The following KCTD1 variants were observed in gnomAD, a reference collection of about 807,000 sequenced individuals.
The protein encoded by KCTD1 is potassium channel tetramerization domain containing 1, also known as BTB/POZ domain-containing protein KCTD1.
KCTD1 carries 24 observed loss-of-function variants against 66.0 expected under a neutral mutation model. The observed-to-expected ratio is 0.36, with a 90% CI of 0.26 to 0.51. The LOEUF (loss-of-function observed/expected upper bound fraction) is 0.51, where lower values mean the gene tolerates loss of function less well. Ranked by LOEUF, KCTD1 falls within the 20% of genes least tolerant of loss-of-function variation. KCTD1 has a pLI of 0.95. For synonymous variants in KCTD1, 511 were observed against 517.2 expected (o/e 0.99, Z 0.16); for missense variants, 943 against 1,205.2 (o/e 0.78, Z 3.22).
At chr18:26,490,773 T>TA (rs1982155013) in intron 2 of KCTD1, among the ~76,000 whole-genome samples, 1 of 152,072 alleles carries the variant, frequency 6.6e-6, no homozygotes. Context: ...TTTTTTTAGA[T>TA]AGAGTCTTTC....
intron 1 of KCTD1, among the ~76,000 whole-genome samples, chr18:26,593,815 G>A (rs1986700805): frequency 1.4e-5 from 2 of 146,282 alleles, no homozygotes; most frequent in Non-Finnish European, 3.0e-5. Context: ...ACAAGGAGCA[G>A]GAGGAGAAGG....
At chr18:26,562,305 C>T (rs1404678781) in intron 1 of KCTD1, among the ~76,000 whole-genome samples, 1 of 152,072 alleles carries the variant, frequency 6.6e-6, no homozygotes, top group East Asian at 1.9e-4. Flanking sequence ...CATCTCAGCT[C>T]ACTGCAGCCT....
chr18:26,521,920 A>G (rs1368207156), intron 1 of KCTD1, among the ~76,000 whole-genome samples: 1 of 152,232 alleles, frequency 6.6e-6, no homozygotes, highest in Non-Finnish European at 1.5e-5. Flanking sequence ...AAAATTCACT[A>G]AACTGTACAC....
intron 1 of KCTD1, chr18:26,657,309 A>G (rs2145094614): frequency 2.0e-6 from 2 of 984,968 alleles, no homozygotes; most frequent in Non-Finnish European, 1.2e-6. Context: ...CCAAAGTCCC[A>G]GCCATACCCT....
intron 3 of KCTD1, among the ~76,000 whole-genome samples, chr18:26,473,657 T>A (rs1312222587): frequency 2.6e-5 from 4 of 152,112 alleles, no homozygotes; most frequent in Non-Finnish European, 5.9e-5. Flanking sequence ...TCACTACTGA[T>A]GAAGCGGCTT....
At chr18:26,626,792 A>G (rs1315517970) in intron 1 of KCTD1, among the ~76,000 whole-genome samples, 1 of 152,174 alleles carries the variant, frequency 6.6e-6, no homozygotes, top group Non-Finnish European at 1.5e-5. Flanking sequence ...ATATTTAATA[A>G]GAAACAAGAC....
At chr18:26,647,396 C>A (rs944643328) in intron 1 of KCTD1, among the ~76,000 whole-genome samples, 2 of 149,290 alleles carry the variant, frequency 1.3e-5, no homozygotes, top group African/African-American at 5.0e-5. Context: ...GCCTGTAATC[C>A]CAGCTACTCA....
At chr18:26,619,138 C>T (rs1250799866) in intron 1 of KCTD1, among the ~76,000 whole-genome samples, 1 of 152,112 alleles carries the variant, frequency 6.6e-6, no homozygotes, top group African/African-American at 2.4e-5. Context: ...TGTATAGATG[C>T]CTTTGTTGCT....
intron 1 of KCTD1, among the ~76,000 whole-genome samples, chr18:26,508,215 G>A (rs539209286): frequency 1.1e-4 from 16 of 152,148 alleles, no homozygotes; most frequent in Non-Finnish European, 2.2e-4. Context: ...TTTTCCAGGC[G>A]TGCTGATCGG....
rs28427889 is a variant in KCTD1 at position 26,460,059 on chromosome 18, G to A, written c.2134-134C>T. 0.018 allele frequency: 12,312 copies of A among 670,118 alleles called. 1,111 individuals carry two copies. In the African/African-American group the frequency reaches 0.2, roughly 11 times the overall value. 41.5% of individuals were successfully genotyped at this position (670,118 alleles called of 1,614,324 possible). ...ATCTGCATGTGCGTTTTTCACTTAC[G>A]ACATGTTTGTAGAGGCTCAATTTGC... is the stretch of plus-strand genomic sequence containing the variant. On this transcript the variant is annotated intron_variant, in intron 3 of 4. Transcript: ENST00000580059.
chr18:26,546,899 G>T lies in KCTD1; in HGVS notation c.1638C>A (p.Ile546=), dbSNP rs1279583363. ...GTCTTTTGGGGGAAGTGGGGCCGCA[G>T]ATTTCCCCCGACCCGAACACAGACT... ...LYESVFGSGE[I]CGPTSPKRLC... Residue 546 remains isoleucine, a synonymous_variant, in exon 1 of 5, where the codon ATC becomes ATA. Coordinates refer to ENST00000580059, the MANE Select transcript of KCTD1 (RefSeq NM_001142730.3). The T allele has an allele frequency of 6.7e-7, 1 of 1,484,652 alleles. No individual in the cohort carries two copies. The highest frequency in any genetic ancestry group is 2.4e-5 in the Admixed American group (1 of 41,148). The allele number at this position is 1,484,652 out of a possible 1,614,324, so 92.0% of individuals were successfully genotyped here. A position where few individuals can be genotyped will look rare whatever the true frequency, so the allele number is the denominator to read the frequency against.
rs999841516 is a variant in KCTD1, at chr18:26,476,845, G to A, written c.1989-186C>T. On this transcript the variant is annotated intron_variant, in intron 2 of 4. Coordinates refer to ENST00000580059, the MANE Select transcript of KCTD1 (RefSeq NM_001142730.3). This position sits in a 1 kb window ranked among gnomAD's most constrained non-coding sequence, Gnocchi z 4.9. ...TCTCAGGACGAGACCATTCAAAATAGTCCTAGGCTTTGTCAAATGAATTCT... is the reference window on the plus strand; with the variant it reads ...TCTCAGGACGAGACCATTCAAAATAATCCTAGGCTTTGTCAAATGAATTCT... The A allele has an allele frequency of 2.0e-5, 11 of 543,566 alleles. No individual in the cohort carries two copies. The African/African-American group carries it at 2.2e-4, about 11-fold the overall frequency. The allele number at this position is 543,566 out of a possible 1,614,324, so 33.7% of individuals were successfully genotyped here.
chr18:26,459,561 GT>G, intron 4 of KCTD1, 58 bp downstream of exon 4: 1 of 1,497,110 alleles, frequency 6.7e-7, no homozygotes, highest in Non-Finnish European at 9.0e-7. Context: ...TGAGGGCAAG[GT>G]TAAGTGACAA....
rs1261373712 is a variant in KCTD1, at chr18:26,547,078, C to A, written c.1459G>T (p.Ala487Ser). ...GGGTGGTGGGAGTGGTGCCGTGCCG[C>A]CCCGTTCAGAGCCTCGGCGTAGCAG... ...QGCYAEALNG[A>S]ARHHSHHPPT... The change falls in exon 1 of 5, where the codon GCG (alanine) becomes TCG (serine). Residue 487 changes from alanine to serine, a missense_variant. Ala to Ser is a moderately conservative substitution (Grantham distance 99). Transcript: ENST00000580059. The A allele has an allele frequency of 9.7e-6, 15 of 1,538,526 alleles. No homozygotes were observed. The highest frequency in any genetic ancestry group is 1.3e-5 in the Non-Finnish European group (15 of 1,143,324).
chr18:26,492,918 A>T (rs1982280593), intron 2 of KCTD1, among the ~76,000 whole-genome samples: 1 of 152,176 alleles, frequency 6.6e-6, no homozygotes, highest in African/African-American at 2.4e-5. Flanking sequence ...CCAGCCTTTA[A>T]ATGTAACTTT....
chr18:26,634,304 G>A (rs1307143024), intron 1 of KCTD1, among the ~76,000 whole-genome samples: 1 of 152,130 alleles, frequency 6.6e-6, no homozygotes, highest in African/African-American at 2.4e-5. Context: ...GGCTTGGAGG[G>A]ATTTCTATAT....
chr18:26,537,866 T>C (rs1399814082), intron 1 of KCTD1, among the ~76,000 whole-genome samples: 1 of 152,248 alleles, frequency 6.6e-6, no homozygotes, highest in Non-Finnish European at 1.5e-5. Context: ...CATTGTTGTC[T>C]CATTTCATCT....
At chr18:26,573,234 T>C (rs1000338583) in intron 1 of KCTD1, among the ~76,000 whole-genome samples, 11 of 152,016 alleles carry the variant, frequency 7.2e-5, no homozygotes, top group Non-Finnish European at 1.6e-4. Flanking sequence ...AAAATTAGAA[T>C]GGTGGATGCC....
chr18:26,655,791 C>G (rs1988120880), intron 1 of KCTD1: 2 of 152,414 alleles, frequency 1.3e-5, no homozygotes, highest in South Asian at 2.1e-4. Flanking sequence ...CGCGACAGTT[C>G]GCAAGTTGCG....
Sources: allele counts gnomAD v4.1 joint callset (sites outside exome capture counted in the v4.1 genomes callset), GRCh38; gene constraint gnomAD v4.1.1; non-coding constraint Gnocchi (gnomAD v3.1); transcripts MANE v1.5; gene names NCBI Gene and HGNC (gene_info 2026-07-23, HGNC 2026-07-21).